Variants in SHQ1 observed in about 807,000 individuals in gnomAD.
SHQ1 encodes SHQ1, H/ACA ribonucleoprotein assembly factor, also known as protein SHQ1 homolog.
SHQ1 carries 49 observed loss-of-function variants against 53.8 expected under a neutral mutation model. The observed-to-expected ratio is 0.91, with a 90% CI of 0.72 to 1.16. The LOEUF (loss-of-function observed/expected upper bound fraction) is 1.16. Ranked by LOEUF, SHQ1 falls within the 50% of genes most tolerant of loss-of-function variation. The pLI is 0.00. For missense variants in SHQ1, 738 were observed against 683.1 expected (o/e 1.08, Z -0.90); for synonymous variants, 243 against 251.0 (o/e 0.97, Z 0.30).
chr3:72,821,059 A>G (rs563622158), intron 6 of SHQ1, among the ~76,000 whole-genome samples: 51 of 152,342 alleles, frequency 3.3e-4, no homozygotes, highest in Non-Finnish European at 4.1e-4. Context: ...CAATGCTCTC[A>G]GAGTAACGCA....
At chr3:72,837,253 G>A (rs967671123) in intron 4 of SHQ1, among the ~76,000 whole-genome samples, 2 of 152,200 alleles carry the variant, frequency 1.3e-5, no homozygotes, top group African/African-American at 4.8e-5. Flanking sequence ...GGTATGGGGA[G>A]TGGAGGGAGG....
chr3:72,775,202 CAAAG>C (rs1039062512), intron 10 of SHQ1, among the ~76,000 whole-genome samples: 70 of 151,736 alleles, frequency 4.6e-4, no homozygotes, highest in African/African-American at 1.1e-3. Flanking sequence ...AACAAAAAAA[CAAAG>C]AGAGAGACAG....
chr3:72,761,210 C>A (rs372700171), intron 10 of SHQ1, among the ~76,000 whole-genome samples: 1 of 152,108 alleles, frequency 6.6e-6, no homozygotes, highest in African/African-American at 2.4e-5. Context: ...CTTGTTCCAT[C>A]GCCCAGGCTG....
the SHQ1 span, among the ~76,000 whole-genome samples, chr3:72,737,721 G>A: frequency 6.6e-6 from 1 of 152,000 alleles, no homozygotes; most frequent in Non-Finnish European, 1.5e-5. Context: ...ATAATGACAC[G>A]AAAAAAAGTC....
intron 10 of SHQ1, among the ~76,000 whole-genome samples, chr3:72,768,687 A>T (rs1705785249): frequency 6.6e-6 from 1 of 152,234 alleles, no homozygotes; most frequent in African/African-American, 2.4e-5. Context: ...TTGGAAACAG[A>T]GCACTGCATG....
At chr3:72,731,076 C>A in the SHQ1 span, among the ~76,000 whole-genome samples, 1 of 137,810 alleles carries the variant, frequency 7.3e-6, no homozygotes, top group African/African-American at 2.6e-5. Flanking sequence ...CATGGGACCA[C>A]CCCTGTGGTG....
chr3:72,727,430 G>A, the SHQ1 span, among the ~76,000 whole-genome samples: 2 of 152,146 alleles, frequency 1.3e-5, no homozygotes, highest in African/African-American at 4.8e-5. Context: ...AAGAAGCCAG[G>A]ACACGTGGAT....
intron 6 of SHQ1, among the ~76,000 whole-genome samples, chr3:72,822,999 A>G (rs1053252703): frequency 1.3e-5 from 2 of 152,084 alleles, no homozygotes; most frequent in Non-Finnish European, 2.9e-5. Flanking sequence ...AACACAAAAA[A>G]TTAGCCAGGC....
intron 10 of SHQ1, among the ~76,000 whole-genome samples, chr3:72,790,082 G>C (rs1706389181): frequency 6.6e-6 from 1 of 152,198 alleles, no homozygotes; most frequent in South Asian, 2.1e-4. Flanking sequence ...AACTTCCAGT[G>C]AAGCTTATAG....
chr3:72,784,288 T>C (rs1706161138), intron 10 of SHQ1, among the ~76,000 whole-genome samples: 1 of 152,196 alleles, frequency 6.6e-6, no homozygotes, highest in African/African-American at 2.4e-5. Flanking sequence ...AAAGGTTATT[T>C]TAGTCTTAGA....
chr3:72,737,160 C>T, the SHQ1 span, among the ~76,000 whole-genome samples: 8 of 152,010 alleles, frequency 5.3e-5, no homozygotes, highest in Non-Finnish European at 8.8e-5. Flanking sequence ...CATCTGTAGT[C>T]CTAGCTACTC....
chr3:72,729,398 C>G, the SHQ1 span, among the ~76,000 whole-genome samples: 34 of 152,316 alleles, frequency 2.2e-4, no homozygotes, highest in South Asian at 1.2e-3. Flanking sequence ...GCTGCTCGTG[C>G]TGCCTCCAGC....
At chr3:72,812,937 A>C in intron 8 of SHQ1, 143 bp from the exon 9 acceptor site, 1 of 826,342 alleles carries the variant, frequency 1.2e-6, no homozygotes, top group Non-Finnish European at 1.8e-6. Context: ...ACATAAAACC[A>C]TGAAATAAGA....
chr3:72,829,969 A>G (rs78699107), intron 5 of SHQ1, among the ~76,000 whole-genome samples: 3,173 of 152,306 alleles, frequency 0.021, 100 homozygotes, highest in African/African-American at 0.071. Flanking sequence ...CTATTAAGAA[A>G]TGCTTCAAGA....
At chr3:72,741,276 A>C in the SHQ1 span, among the ~76,000 whole-genome samples, 1 of 152,144 alleles carries the variant, frequency 6.6e-6, no homozygotes, top group Non-Finnish European at 1.5e-5. Flanking sequence ...CATTGGCAGA[A>C]TCTGTGGCTA....
At chr3:72,809,438 G>C (rs1172354797) in intron 9 of SHQ1, among the ~76,000 whole-genome samples, 2 of 151,424 alleles carry the variant, frequency 1.3e-5, no homozygotes, top group East Asian at 1.9e-4. Flanking sequence ...TTCCATCCAA[G>C]AAGAAGGAAA....
At chr3:72,786,606 C>T (rs1706239928) in intron 10 of SHQ1, among the ~76,000 whole-genome samples, 1 of 152,182 alleles carries the variant, frequency 6.6e-6, no homozygotes, top group South Asian at 2.1e-4. Flanking sequence ...CTCTGGAAGC[C>T]TTTTCCTACA....
chr3:72,763,084 G>A (rs1467440069), intron 10 of SHQ1, among the ~76,000 whole-genome samples: 1 of 151,062 alleles, frequency 6.6e-6, no homozygotes, highest in East Asian at 1.9e-4. Flanking sequence ...GAGAGAGAGA[G>A]AGAAATGCTT....
At chr3:72,831,788 C>T (rs1039963301) in intron 5 of SHQ1, among the ~76,000 whole-genome samples, 1 of 152,122 alleles carries the variant, frequency 6.6e-6, no homozygotes, top group Admixed American at 6.6e-5. Context: ...CAAATTTAAG[C>T]CTGATGGAGA....
Sources: gnomAD v4.1 joint callset for allele counts (sites outside exome capture counted in the v4.1 genomes callset) on GRCh38, gnomAD v4.1.1 for gene constraint, MANE v1.5 for transcripts, NCBI Gene and HGNC (gene_info 2026-07-23, HGNC 2026-07-21) for gene names.